The following EXT1 variants were observed in gnomAD, a reference collection of about 807,000 sequenced individuals.
EXT1 encodes exostosin-1.
EXT1 carries 20 observed loss-of-function variants against 82.5 expected under a neutral mutation model. The ratio of observed to expected loss-of-function variants is 0.24; its 90% CI spans 0.17 to 0.35. The LOEUF (loss-of-function observed/expected upper bound fraction) is 0.35, where lower values mean the gene tolerates loss of function less well. Ranked by LOEUF, EXT1 falls within the 10% of genes least tolerant of loss-of-function variation. The pLI is 1.00. For synonymous variants in EXT1, 348 were observed against 350.8 expected, an observed-to-expected ratio of 0.99 and a Z score of 0.09; for missense variants, 757 against 936.5, an observed-to-expected ratio of 0.81 and a Z score of 2.50.
intron 3 of EXT1, among the ~76,000 whole-genome samples, chr8:117,835,111 T>A (rs1812167566): frequency 6.6e-6 from 1 of 152,166 alleles, no homozygotes; most frequent in African/African-American, 2.4e-5. Context: ...AGGAAAAGAA[T>A]ATGAAACAGT....
intron 1 of EXT1, among the ~76,000 whole-genome samples, chr8:118,000,658 C>T (rs1457168979): frequency 6.6e-6 from 1 of 152,208 alleles, no homozygotes; most frequent in Non-Finnish European, 1.5e-5. Context: ...TCCTGTGGGT[C>T]CTTGGGAAAC....
chr8:117,829,764 G>A (rs1463458585), intron 4 of EXT1, among the ~76,000 whole-genome samples: 3 of 151,730 alleles, frequency 2.0e-5, no homozygotes, highest in Non-Finnish European at 2.9e-5. Context: ...TAGTAGAGAC[G>A]AGGTTTCACC....
At chr8:117,869,288 G>A (rs777222771) in intron 1 of EXT1, among the ~76,000 whole-genome samples, 4 of 152,204 alleles carry the variant, frequency 2.6e-5, no homozygotes, top group South Asian at 2.1e-4. Flanking sequence ...AATAGGTGGT[G>A]AAGCTCAATC....
intron 1 of EXT1, among the ~76,000 whole-genome samples, chr8:118,090,428 A>C (rs1007714599): frequency 6.6e-6 from 1 of 151,858 alleles, no homozygotes; most frequent in Non-Finnish European, 1.5e-5. Flanking sequence ...TTGAAAAAAA[A>C]AGGCAAAATT....
At chr8:117,858,336 G>A (rs1052589283) in intron 1 of EXT1, among the ~76,000 whole-genome samples, 3 of 152,132 alleles carry the variant, frequency 2.0e-5, no homozygotes, top group Admixed American at 6.5e-5. Flanking sequence ...CTCATGAAAG[G>A]AAGAGTCAAT....
intron 1 of EXT1, among the ~76,000 whole-genome samples, chr8:118,060,798 C>T (rs1013198750): frequency 2.6e-4 from 39 of 152,196 alleles, no homozygotes; most frequent in African/African-American, 9.4e-4. Context: ...TCAGCTGCTT[C>T]GTGTAAAAAT....
chr8:118,103,393 C>T (rs1336870796), intron 1 of EXT1, among the ~76,000 whole-genome samples: 1 of 152,194 alleles, frequency 6.6e-6, no homozygotes, highest in Non-Finnish European at 1.5e-5. Flanking sequence ...CTCAAGCAAT[C>T]CTCCCGCCTT....
rs112184191 is a variant in EXT1, at chr8:118,011,712, C to T, written c.962+98373G>A. On this transcript the variant is annotated intron_variant, in intron 1 of 10. Transcript: ENST00000378204. The stretch of plus-strand genomic sequence containing the variant: ...CATCTGTCACTCCCCACCCTGATCG[C>T]TCTCTGGCTCCTAAGGCTTTCATTT... 9.5e-3 allele frequency among the ~76,000 whole-genome samples: 1,445 copies of T among 152,322 alleles called. 25 individuals carry two copies. The highest frequency in any genetic ancestry group is 0.032 in the African/African-American group (1,341 of 41,560).
intron 1 of EXT1, among the ~76,000 whole-genome samples, chr8:117,895,126 G>A (rs1217076453): frequency 1.3e-5 from 2 of 152,156 alleles, no homozygotes; most frequent in East Asian, 1.9e-4. Context: ...CAAAATGGTC[G>A]TGAACCAGGG....
chr8:117,891,934 G>T (rs1041809780), intron 1 of EXT1, among the ~76,000 whole-genome samples: 3 of 151,184 alleles, frequency 2.0e-5, no homozygotes, highest in African/African-American at 7.3e-5. Flanking sequence ...AGCCTCCTGA[G>T]TAGCTGGGAT....
intron 1 of EXT1, among the ~76,000 whole-genome samples, chr8:117,845,351 C>T (rs554131245): frequency 7.9e-5 from 12 of 152,284 alleles, no homozygotes; most frequent in African/African-American, 2.9e-4. Flanking sequence ...CTCTTATCAA[C>T]TCTAAACTCC....
intron 1 of EXT1, among the ~76,000 whole-genome samples, chr8:117,916,976 G>A (rs989339745): frequency 2.0e-5 from 3 of 151,922 alleles, no homozygotes; most frequent in African/African-American, 7.3e-5. Context: ...ACTTCAGAAG[G>A]TAATAGATAA....
chr8:117,901,862 A>G (rs1813455235), intron 1 of EXT1, among the ~76,000 whole-genome samples: 4 of 151,880 alleles, frequency 2.6e-5, no homozygotes, highest in Admixed American at 2.6e-4. Flanking sequence ...ACACCTGGCT[A>G]ATTTTTTGCA....
chr8:117,865,834 G>C (rs1032528141), intron 1 of EXT1, among the ~76,000 whole-genome samples: 1 of 152,188 alleles, frequency 6.6e-6, no homozygotes, highest in Non-Finnish European at 1.5e-5. Flanking sequence ...ATCAGTTGAA[G>C]GGAGAAGGGG....
At chr8:117,909,362 T>C (rs1001508195) in intron 1 of EXT1, among the ~76,000 whole-genome samples, 5 of 152,202 alleles carry the variant, frequency 3.3e-5, no homozygotes, top group Admixed American at 2.6e-4. Context: ...ATGAGAACAC[T>C]GGAGTTTAAA....
intron 1 of EXT1, among the ~76,000 whole-genome samples, chr8:118,092,327 A>C (rs1370661687): frequency 6.6e-6 from 1 of 152,208 alleles, no homozygotes; most frequent in Admixed American, 6.5e-5. Flanking sequence ...ACTAAAGAGG[A>C]GGCTACAAAA....
chr8:118,090,868 G>GA (rs1405433295), intron 1 of EXT1, among the ~76,000 whole-genome samples: 8 of 144,644 alleles, frequency 5.5e-5, no homozygotes, highest in Non-Finnish European at 1.0e-4. Context: ...GTATACACAG[G>GA]TTTATACTAA....
chr8:117,936,172 C>T (rs1814158359), intron 1 of EXT1, among the ~76,000 whole-genome samples: 1 of 152,170 alleles, frequency 6.6e-6, no homozygotes, highest in East Asian at 1.9e-4. Context: ...ACATCCATAT[C>T]CATGTTCTCC....
At chr8:117,949,762 C>A (rs1814457390) in intron 1 of EXT1, among the ~76,000 whole-genome samples, 1 of 152,068 alleles carries the variant, frequency 6.6e-6, no homozygotes, top group Non-Finnish European at 1.5e-5. Context: ...GAAAAAGAAT[C>A]ATTCTTGAGG....
Sources: allele counts gnomAD v4.1 joint callset (sites outside exome capture counted in the v4.1 genomes callset), GRCh38; gene constraint gnomAD v4.1.1; transcripts MANE v1.5; gene names NCBI Gene and HGNC (gene_info 2026-07-23, HGNC 2026-07-21).